The following ATL1 variants were observed in gnomAD, a reference collection of about 807,000 sequenced individuals.
The protein encoded by ATL1 is atlastin-1.
Under a neutral mutation model 75.5 loss-of-function variants are expected in ATL1, and 31 were observed. The observed-to-expected ratio is 0.41, with a 90% CI of 0.31 to 0.55. The LOEUF (loss-of-function observed/expected upper bound fraction) is 0.55. Among genes scored for constraint, ATL1 ranks in the 20% least tolerant of loss-of-function variants. The pLI is 0.27. For synonymous variants in ATL1, 226 were observed against 233.3 expected, an observed-to-expected ratio of 0.97 and a Z score of 0.28; for missense variants, 405 against 662.6, an observed-to-expected ratio of 0.61 and a Z score of 4.27.
intron 1 of ATL1, among the ~76,000 whole-genome samples, chr14:50,538,590 C>A (rs113293293): frequency 6.6e-6 from 1 of 152,086 alleles, no homozygotes; most frequent in Admixed American, 6.5e-5. Context: ...AAAAGGGTGC[C>A]CAAAGTTTGC....
intron 8 of ATL1, among the ~76,000 whole-genome samples, chr14:50,619,249 T>TG (rs1346634892): frequency 6.6e-6 from 1 of 152,054 alleles, no homozygotes; most frequent in African/African-American, 2.4e-5. Flanking sequence ...TTAGTAGAGG[T>TG]GGGGTTTCAC....
At chr14:50,566,233 G>A (rs1339346224) in intron 1 of ATL1, among the ~76,000 whole-genome samples, 1 of 101,260 alleles carries the variant, frequency 9.9e-6, no homozygotes, top group Non-Finnish European at 1.9e-5. Context: ...CCTGACCTCA[G>A]GTGATCCACC....
intron 1 of ATL1, among the ~76,000 whole-genome samples, chr14:50,573,177 C>A (rs923593406): frequency 6.6e-5 from 10 of 152,184 alleles, no homozygotes; most frequent in Non-Finnish European, 5.9e-5. Flanking sequence ...TGGGTGGGGA[C>A]ACAGAGCCAG....
intron 1 of ATL1, among the ~76,000 whole-genome samples, chr14:50,574,701 C>A (rs2038984547): frequency 6.6e-6 from 1 of 151,512 alleles, no homozygotes; most frequent in Admixed American, 6.6e-5. Flanking sequence ...TTTTTCTATA[C>A]CATGATTTCA....
chr14:50,582,132 A>C (rs749203656), intron 1 of ATL1, among the ~76,000 whole-genome samples: 5 of 151,820 alleles, frequency 3.3e-5, no homozygotes, highest in Non-Finnish European at 7.4e-5. Flanking sequence ...AATACAAAAA[A>C]TTAGCCGGGC....
intron 1 of ATL1, among the ~76,000 whole-genome samples, chr14:50,574,937 G>GTATATATACATATA (rs2038989980): frequency 4.3e-5 from 1 of 23,156 alleles, no homozygotes; most frequent in Non-Finnish European, 7.8e-5. Flanking sequence ...GTGTGTGTGT[G>GTATATATACATATA]TATATATATA....
At chr14:50,568,183 A>C (rs1472084907) in intron 1 of ATL1, among the ~76,000 whole-genome samples, 1 of 152,180 alleles carries the variant, frequency 6.6e-6, no homozygotes, top group African/African-American at 2.4e-5. Flanking sequence ...TCCTAGGTAC[A>C]TAGATTTTTG....
rs555882991 is a variant in ATL1, at chr14:50,586,630, T to C, written c.35-1201T>C. Among the ~76,000 whole-genome samples, 12 of 152,340 alleles carry C rather than the reference T, an allele frequency of 7.9e-5. 1 individual carries two copies. In the South Asian group the frequency reaches 2.1e-3, roughly 26 times the overall value. On this transcript the variant is annotated intron_variant, in intron 1 of 13. Coordinates refer to ENST00000358385, the MANE Select transcript of ATL1 (RefSeq NM_015915.5). Reference sequence around the variant, plus strand: ...TTAATTGGTGTATGTATAGACTTTCTGTTCTTATGATATAAAGCAAACGAG... The same window carrying C: ...TTAATTGGTGTATGTATAGACTTTCCGTTCTTATGATATAAAGCAAACGAG...
At chr14:50,536,834 A>C (rs1357120062) in intron 1 of ATL1, among the ~76,000 whole-genome samples, 4 of 152,206 alleles carry the variant, frequency 2.6e-5, no homozygotes, top group Non-Finnish European at 5.9e-5. Context: ...CTAAGCAGCA[A>C]AGCATTCAAG....
Position 50,613,292 on chromosome 14 carries a change from C to A in ATL1, c.664C>A (p.Pro222Thr). The change falls in exon 7 of 14, where the codon CCA becomes ACA. Residue 222 changes from proline to threonine, a missense_variant. Physicochemically the swap from Pro to Thr is conservative, Grantham distance 38 (BLOSUM62 -1). Transcript: ENST00000358385. ...ATTTCTTGTTCGAGACTGGAGTTTCCCATACGAATTTTCATATGGAGCCGA... is the reference window on the plus strand; with the variant it reads ...ATTTCTTGTTCGAGACTGGAGTTTCACATACGAATTTTCATATGGAGCCGA... ...LIFLVRDWSF[P>T]YEFSYGADGG... The A allele has an allele frequency of 6.2e-7, 1 of 1,613,220 alleles. No homozygotes were observed. The highest frequency in any genetic ancestry group is 8.5e-7 in the Non-Finnish European group (1 of 1,179,638).
chr14:50,598,403 A>T (rs1384115706), intron 6 of ATL1, among the ~76,000 whole-genome samples: 1 of 150,958 alleles, frequency 6.6e-6, no homozygotes, highest in African/African-American at 2.4e-5. Flanking sequence ...GTTGTCCGGG[A>T]TGGAATGCAT....
chr14:50,632,709 A>T lies in ATL1; in HGVS notation c.*370A>T, dbSNP rs1319789682. On this transcript the variant is annotated 3_prime_UTR_variant, in exon 14 of 14. Transcript: ENST00000358385. Reference sequence around the variant, plus strand: ...TGCTCATTTAATTTCTACAGAAAAAATTTTAAATTATTTCACATTAGCCAT... The same window carrying T: ...TGCTCATTTAATTTCTACAGAAAAATTTTTAAATTATTTCACATTAGCCAT... The T allele has an allele frequency of 1.9e-5, 4 of 209,346 alleles. No individual in the cohort carries two copies. Among genetic ancestry groups the T allele is most frequent in the Non-Finnish European group, 3.9e-5 (4 of 102,596 alleles). 13.0% of individuals were successfully genotyped at this position (209,346 alleles called of 1,614,324 possible).
In ATL1 at chr14:50,588,084, C is replaced by T. The variant is rs1451559263; in HGVS notation, c.282+6C>T. 1 of 1,614,148 alleles carries T rather than the reference C, an allele frequency of 6.2e-7. No individual in the cohort carries two copies. Among genetic ancestry groups the T allele is most frequent in the East Asian group, 2.2e-5 (1 of 44,892 alleles). ...TGAGATACATGTACAACCAGGTATG[C>T]AGGAAGTACTTTAAAAAGTTTTCTT... On this transcript the variant is annotated splice_donor_region_variant and intron_variant, in intron 2 of 13. Coordinates refer to ENST00000358385, the MANE Select transcript of ATL1 (RefSeq NM_015915.5).
chr14:50,569,680 G>A (rs918434696), intron 1 of ATL1, among the ~76,000 whole-genome samples: 5 of 151,950 alleles, frequency 3.3e-5, no homozygotes, highest in Admixed American at 2.0e-4. Flanking sequence ...GTGTAGTGTC[G>A]TTTCATTTCA....
At chr14:50,599,643 A>G (rs1180463722) in intron 6 of ATL1, among the ~76,000 whole-genome samples, 1 of 152,224 alleles carries the variant, frequency 6.6e-6, no homozygotes, top group African/African-American at 2.4e-5. Flanking sequence ...TCTAAAGGCA[A>G]TGAACCAAAA....
At chr14:50,551,413 C>A (rs2038701136) in intron 1 of ATL1, among the ~76,000 whole-genome samples, 1 of 151,964 alleles carries the variant, frequency 6.6e-6, no homozygotes, top group African/African-American at 2.4e-5. Flanking sequence ...ATTTCAGGAT[C>A]AGATGGAGTC....
At chr14:50,628,516 A>G in intron 12 of ATL1, 54 bp downstream of exon 12, 1 of 1,553,138 alleles carries the variant, frequency 6.4e-7, no homozygotes, top group Non-Finnish European at 8.8e-7. Context: ...AATGTCATCC[A>G]TGTGCCAGCC....
chr14:50,554,807 G>A (rs988535781), intron 1 of ATL1, among the ~76,000 whole-genome samples: 28 of 152,092 alleles, frequency 1.8e-4, no homozygotes, highest in Non-Finnish European at 3.8e-4. Context: ...TCATCCACTC[G>A]CTGGGCTGGA....
intron 1 of ATL1, among the ~76,000 whole-genome samples, chr14:50,574,922 TGTGTG>T (rs2038987014): frequency 1.0e-5 from 1 of 95,964 alleles, no homozygotes; most frequent in Admixed American, 1.2e-4. Flanking sequence ...TGTGTGTGTG[TGTGTG>T]TGTGTGTGTG....
Sources: gnomAD v4.1 joint callset for allele counts (sites outside exome capture counted in the v4.1 genomes callset) on GRCh38, gnomAD v4.1.1 for gene constraint, MANE v1.5 for transcripts, NCBI Gene and HGNC (gene_info 2026-07-23, HGNC 2026-07-21) for gene names.